The following ACOX3 variants were observed in gnomAD, a reference collection of about 807,000 sequenced individuals.
ACOX3 encodes the protein peroxisomal acyl-coenzyme A oxidase 3.
In ACOX3, 73 loss-of-function variants were observed where a neutral mutation model predicts 81.5. That is an observed-to-expected ratio of 0.90 (90% CI 0.74 to 1.09). The LOEUF (loss-of-function observed/expected upper bound fraction) is 1.09, where lower values mean the gene tolerates loss of function less well. Among genes scored for constraint, ACOX3 ranks in the 50% least tolerant of loss-of-function variants. The pLI is 0.00. For synonymous variants in ACOX3, 387 were observed against 375.1 expected (o/e 1.03, Z -0.37); for missense variants, 947 against 928.0 (o/e 1.02, Z -0.27).
At position 8,405,611 on chromosome 4, in the gene ACOX3, G is replaced by A. The variant is rs955665518; in HGVS notation, c.776+344C>T. On this transcript the variant is annotated intron_variant, in intron 7 of 17. Transcript: ENST00000356406. The surrounding 1 kb of genome is among the most constrained non-coding windows in gnomAD (Gnocchi z 7.1). ...TGGATGTGTGCAGAGGCCGAGCCGG[G>A]GGAGGCTCAGGATGCTGAGGAGGAC... is the stretch of plus-strand genomic sequence containing the variant. Among the ~76,000 whole-genome samples, 1 of 152,232 alleles carries A rather than the reference G, an allele frequency of 6.6e-6. No homozygotes were observed. Among genetic ancestry groups the A allele is most frequent in the African/African-American group, 2.4e-5 (1 of 41,448 alleles).
chr4:8,379,826 C>T (rs990995578), intron 14 of ACOX3, among the ~76,000 whole-genome samples: 1 of 152,204 alleles, frequency 6.6e-6, no homozygotes, highest in Non-Finnish European at 1.5e-5. Flanking sequence ...TGCTCTGTTG[C>T]CCGTGCTGGA....
chr4:8,420,761 A>G (rs564752780), intron 1 of ACOX3, among the ~76,000 whole-genome samples: 23 of 152,296 alleles, frequency 1.5e-4, no homozygotes, highest in African/African-American at 5.1e-4. Context: ...ACTGCTGATC[A>G]TCGCCATCGC....
chr4:8,415,138 G>T (rs1255071999), intron 3 of ACOX3, among the ~76,000 whole-genome samples: 2 of 152,192 alleles, frequency 1.3e-5, no homozygotes, highest in Non-Finnish European at 2.9e-5. Context: ...AGCTGCCCCG[G>T]GTCCCTGAGT....
rs200971872 is a variant in ACOX3 at position 8,370,907 on chromosome 4, C to A, written c.1983+1G>T. 3.8e-5 allele frequency: 62 copies of A among 1,613,606 alleles called. No homozygotes were observed. In the Middle Eastern group the frequency reaches 9.9e-4, roughly 26 times the overall value. ...CCCGTGAGGCCCTGTCCTCCCTTTACCTCGCCGTCGGCTCTGCCAATCGGT... is the reference window on the plus strand; with the variant it reads ...CCCGTGAGGCCCTGTCCTCCCTTTAACTCGCCGTCGGCTCTGCCAATCGGT... On this transcript the variant is annotated splice_donor_variant, in intron 17 of 17. Transcript: ENST00000356406. LOFTEE classifies it high-confidence loss of function. This position sits in a 1 kb window ranked among gnomAD's most constrained non-coding sequence, Gnocchi z 6.3.
At chr4:8,425,707 G>A (rs189658358) in intron 1 of ACOX3, among the ~76,000 whole-genome samples, 2 of 150,968 alleles carry the variant, frequency 1.3e-5, no homozygotes, top group African/African-American at 4.9e-5. Context: ...AGTCTGGATA[G>A]ATACTTTCAC....
intron 11 of ACOX3, 63 bp downstream of exon 11, chr4:8,392,269 CT>C: frequency 7.3e-7 from 1 of 1,378,374 alleles, no homozygotes; most frequent in Non-Finnish European, 9.5e-7. Context: ...CTGCCGACCC[CT>C]GGTCTAGAGT....
Position 8,405,367 on chromosome 4 carries a change from G to A in ACOX3, c.776+588C>T, listed in dbSNP as rs1381420653. Among the ~76,000 whole-genome samples, 1 of 152,168 alleles carries A rather than the reference G, an allele frequency of 6.6e-6. No individual in the cohort carries two copies. The highest frequency in any genetic ancestry group is 2.4e-5 in the African/African-American group (1 of 41,440). On this transcript the variant is annotated intron_variant, in intron 7 of 17. Transcript: ENST00000356406. This position sits in a 1 kb window ranked among gnomAD's most constrained non-coding sequence, Gnocchi z 7.1. ...CATCAAGCATTCATTAGTCTTTCTAGGCCCCTCCCCTCTGCACGCCCCATC... is the reference window on the plus strand; with the variant it reads ...CATCAAGCATTCATTAGTCTTTCTAAGCCCCTCCCCTCTGCACGCCCCATC...
rs1579015501 is a variant in ACOX3 at position 8,437,803 on chromosome 4, G to A, written c.-15+2845C>T. Among the ~76,000 whole-genome samples the A allele has an allele frequency of 6.6e-6, 1 of 152,206 alleles. No individual in the cohort carries two copies. The highest frequency in any genetic ancestry group is 6.5e-5 in the Admixed American group (1 of 15,284). On this transcript the variant is annotated intron_variant, in intron 1 of 17. Transcript: ENST00000356406. This position sits in a 1 kb window ranked among gnomAD's most constrained non-coding sequence, Gnocchi z 5.2. ...AAGAGGCCATTGGCCAAGGGCTGCC[G>A]CACCTTGGAGGAACCAAATACTGAT...
rs73085864 is a variant in ACOX3 at position 8,368,570 on chromosome 4, C to T, written c.1984-1490G>A. The stretch of plus-strand genomic sequence containing the variant: ...GACACAGACCCAGGCTGCTGCTCCA[C>T]AGGGCCTAGGTTCCAGCTTATGTTT... On this transcript the variant is annotated intron_variant, in intron 17 of 17. Coordinates refer to ENST00000356406, the MANE Select transcript of ACOX3 (RefSeq NM_003501.3). This position sits in a 1 kb window ranked among gnomAD's most constrained non-coding sequence, Gnocchi z 5.9. Among the ~76,000 whole-genome samples the T allele has an allele frequency of 6.6e-6, 1 of 152,346 alleles. No individual in the cohort carries two copies. Among genetic ancestry groups the T allele is most frequent in the African/African-American group, 2.4e-5 (1 of 41,586 alleles).
intron 7 of ACOX3, among the ~76,000 whole-genome samples, chr4:8,402,400 C>G (rs1451758224): frequency 6.6e-6 from 1 of 152,226 alleles, no homozygotes; most frequent in Non-Finnish European, 1.5e-5. Flanking sequence ...GAACACCCCA[C>G]CTCGTGAGAA....
In ACOX3 at chr4:8,399,081, C is replaced by A. The variant is rs1426617750; in HGVS notation, c.873+475G>T. 6.6e-6 allele frequency among the ~76,000 whole-genome samples: 1 copy of A among 152,154 alleles called. No individual in the cohort carries two copies. The highest frequency in any genetic ancestry group is 2.4e-5 in the African/African-American group (1 of 41,454). ...AGGGTGCATGCTCGGGGTGGCCCAC[C>A]TGCTGTGAGCTCATGATTCCTGAGG... On this transcript the variant is annotated intron_variant, in intron 8 of 17. Transcript: ENST00000356406. The surrounding 1 kb of genome is among the most constrained non-coding windows in gnomAD (Gnocchi z 4.9).
intron 1 of ACOX3, among the ~76,000 whole-genome samples, chr4:8,427,211 T>C (rs1723577638): frequency 1.3e-5 from 2 of 152,190 alleles, no homozygotes; most frequent in East Asian, 1.9e-4. Context: ...AATCAGATCA[T>C]CTGTCGCCTG....
Position 8,407,091 on chromosome 4 carries a change from C to A in ACOX3, c.688-1048G>T, listed in dbSNP as rs976246520. 6.6e-6 allele frequency among the ~76,000 whole-genome samples: 1 copy of A among 152,176 alleles called. No individual in the cohort carries two copies. The highest frequency in any genetic ancestry group is 1.5e-5 in the Non-Finnish European group (1 of 68,024). ...CCCAGATGCTGGCATCACTGCTAGA[C>A]CAAGGAGCCCTCTGGTGGCCCTGTC... is the stretch of plus-strand genomic sequence containing the variant. On this transcript the variant is annotated intron_variant, in intron 6 of 17. Coordinates refer to ENST00000356406, the MANE Select transcript of ACOX3 (RefSeq NM_003501.3). This position sits in a 1 kb window ranked among gnomAD's most constrained non-coding sequence, Gnocchi z 4.6.
chr4:8,421,120 C>T (rs1043592118), intron 1 of ACOX3, among the ~76,000 whole-genome samples: 7 of 152,308 alleles, frequency 4.6e-5, no homozygotes, highest in Non-Finnish European at 8.8e-5. Context: ...AAACACTCAT[C>T]GGTAACATTT....
intron 14 of ACOX3, among the ~76,000 whole-genome samples, chr4:8,378,455 C>T (rs980720000): frequency 2.0e-5 from 3 of 152,220 alleles, no homozygotes; most frequent in African/African-American, 7.2e-5. Context: ...AAGGAAACCT[C>T]GAGCCCTTGT....
At chr4:8,367,164 T>G in intron 17 of ACOX3, 84 bp from the exon 18 acceptor site, 1 of 1,537,008 alleles carries the variant, frequency 6.5e-7, no homozygotes, top group South Asian at 1.2e-5. Flanking sequence ...CAAATGCAAC[T>G]CCTCAAAGTT....
rs1490631755 is a variant in ACOX3, at chr4:8,397,094, G to C, written c.899C>G (p.Ser300Cys). The stretch of plus-strand genomic sequence containing the variant: ...CCGGCCCGAGGACAGGCTCCCCAGG[G>C]ACGCTCCAAAGCGCTGCCTGACGTC... The part of the protein sequence containing the change: ...FKDVRQRFGA[S>C]LGSLSSGRVS... The change falls in exon 9 of 18, where the codon TCC (serine) becomes TGC (cysteine). Residue 300 changes from serine to cysteine, a missense_variant. Transcript: ENST00000356406. 1 of 1,583,282 alleles carries C rather than the reference G, an allele frequency of 6.3e-7. No homozygotes were observed. The highest frequency in any genetic ancestry group is 1.4e-5 in the African/African-American group (1 of 73,024).
chr4:8,359,429 TCCCTTCTCAGATTTAGGGGGTTAGAGG>T, the ACOX3 span, among the ~76,000 whole-genome samples: 1 of 152,174 alleles, frequency 6.6e-6, no homozygotes, highest in South Asian at 2.1e-4. The surrounding 1 kb of genome is among the most constrained non-coding windows in gnomAD (Gnocchi z 6.0). Flanking sequence ...AGGGTTAGAG[TCCCTTCTCAGATTTAGGGGGTTAGAGG>T]CCCCTCTCAG....
chr4:8,397,168 C>G, intron 8 of ACOX3, 49 bp from the exon 9 acceptor site: 1 of 1,485,622 alleles, frequency 6.7e-7, no homozygotes, highest in Non-Finnish European at 8.9e-7. Context: ...GCGCGGCCAC[C>G]TTGGGCAGAG....
Sources: gnomAD v4.1 joint callset for allele counts (sites outside exome capture counted in the v4.1 genomes callset) on GRCh38, gnomAD v4.1.1 for gene constraint, Gnocchi (gnomAD v3.1) non-coding constraint, MANE v1.5 for transcripts, NCBI Gene and HGNC (gene_info 2026-07-23, HGNC 2026-07-21) for gene names.